PRKCH: variants seen among roughly 807,000 people sequenced by gnomAD.
The protein encoded by PRKCH is protein kinase C eta.
A neutral mutation model predicts 82.5 loss-of-function variants in PRKCH; 28 were observed. The ratio of observed to expected loss-of-function variants is 0.34; its 90% confidence interval spans 0.25 to 0.47. The LOEUF is 0.47. Among genes scored for constraint, PRKCH ranks in the 20% least tolerant of loss-of-function variants. The probability of loss-of-function intolerance (pLI) is 1.00; values close to 1 mark genes in which losing one functional copy is unlikely to be tolerated. For missense variants in PRKCH, 705 were observed against 881.8 expected, an observed-to-expected ratio of 0.80 and a Z score of 2.54; for synonymous variants, 322 against 327.4, an observed-to-expected ratio of 0.98 and a Z score of 0.18.
chr14:61,347,033 A>G (rs190842701), intron 1 of PRKCH, among the ~76,000 whole-genome samples: 3 of 152,254 alleles, frequency 2.0e-5, no homozygotes, highest in Admixed American at 6.5e-5. Context: ...TTGCTTTGTA[A>G]TCTGTTCACC....
chr14:61,398,135 C>G (rs1368331908), intron 2 of PRKCH, among the ~76,000 whole-genome samples: 1 of 152,182 alleles, frequency 6.6e-6, no homozygotes. Context: ...TCTAACTAAG[C>G]CTTCCTGAAG....
At chr14:61,393,822 C>T (rs1032690160) in intron 2 of PRKCH, among the ~76,000 whole-genome samples, 1 of 152,220 alleles carries the variant, frequency 6.6e-6, no homozygotes, top group Admixed American at 6.5e-5. Flanking sequence ...TCCTGCACAA[C>T]CTGGGGAATA....
At chr14:61,247,590 G>A (rs556324014) in intron 1 of PRKCH, among the ~76,000 whole-genome samples, 48 of 152,012 alleles carry the variant, frequency 3.2e-4, no homozygotes, top group Middle Eastern at 3.4e-3. Flanking sequence ...ACAAAATTTA[G>A]CCAGGTATAG....
intron 5 of PRKCH, among the ~76,000 whole-genome samples, chr14:61,449,938 C>A (rs1000309405): frequency 6.6e-6 from 1 of 150,744 alleles, no homozygotes; most frequent in Non-Finnish European, 1.5e-5. Context: ...GTATAAGCTT[C>A]AACATCATTC....
chr14:61,490,978 C>T (rs1430661584), intron 10 of PRKCH, among the ~76,000 whole-genome samples: 1 of 152,104 alleles, frequency 6.6e-6, no homozygotes, highest in Non-Finnish European at 1.5e-5. Context: ...TTTTACATGC[C>T]TGAGTTACTG....
At chr14:61,487,512 T>C (rs999383441) in intron 10 of PRKCH, among the ~76,000 whole-genome samples, 1 of 152,196 alleles carries the variant, frequency 6.6e-6, no homozygotes, top group African/African-American at 2.4e-5. Context: ...GTCCTCATGC[T>C]ATCAGACTCC....
At chr14:61,444,631 C>T (rs573868940) in intron 3 of PRKCH, among the ~76,000 whole-genome samples, 2 of 152,274 alleles carry the variant, frequency 1.3e-5, no homozygotes, top group South Asian at 4.1e-4. Context: ...CTCTCTCTCT[C>T]ACACACACTT....
Position 61,322,307 on chromosome 14 carries a change from A to G in PRKCH, c.206A>G (p.Asn69Ser), listed in dbSNP as rs1004060105. 1 of 1,613,038 alleles carries G rather than the reference A, an allele frequency of 6.2e-7. No individual in the cohort carries two copies. Among genetic ancestry groups the G allele is most frequent in the Non-Finnish European group, 8.5e-7 (1 of 1,179,782 alleles). ...TKQKTNKPTY[N>S]EEFCANVTDG... ...CAGAAGACCAACAAACCCACGTACA[A>G]CGAGGAGTTTTGCGCTAACGTCACC... Residue 69 changes from asparagine (N) to serine (S), a missense_variant, in exon 1 of 14, where the codon AAC (asparagine) becomes AGC (serine). Physicochemically the swap from Asn to Ser is conservative, Grantham distance 46. This residue lies in a region of PRKCH where 246 missense variants were observed against 308.0 expected (regional missense o/e 0.80). Transcript: ENST00000332981.
chr14:61,484,789 A>G (rs890999205), intron 9 of PRKCH, among the ~76,000 whole-genome samples: 6 of 116,464 alleles, frequency 5.2e-5, no homozygotes, highest in African/African-American at 2.4e-4. Flanking sequence ...TTTTTGGAAG[A>G]AGGAGTCTTA....
At chr14:61,441,727 ATTTTT>A (rs76602358) in intron 2 of PRKCH, among the ~76,000 whole-genome samples, 1 of 127,088 alleles carries the variant, frequency 7.9e-6, no homozygotes, top group African/African-American at 2.8e-5. Context: ...TCTGCTTTGT[ATTTTT>A]TTTTTTTTTT....
intron 10 of PRKCH, among the ~76,000 whole-genome samples, chr14:61,520,479 C>T (rs971745568): frequency 2.0e-5 from 3 of 152,080 alleles, no homozygotes; most frequent in South Asian, 2.1e-4. Flanking sequence ...TTCAACCAGG[C>T]GATAATATTT....
At chr14:61,232,083 C>T (rs944561015) in intron 1 of PRKCH, among the ~76,000 whole-genome samples, 20 of 152,230 alleles carry the variant, frequency 1.3e-4, no homozygotes, top group African/African-American at 4.6e-4. Flanking sequence ...CAATCACAAG[C>T]CACAGGTTGT....
rs574731732 is a variant in PRKCH at position 61,301,794 on chromosome 14, T to C, written c.-19+114126T>C. 2.8e-3 allele frequency among the ~76,000 whole-genome samples: 422 copies of C among 152,304 alleles called. 3 individuals are homozygous for C. Among genetic ancestry groups the C allele is most frequent in the African/African-American group, 9.9e-3 (411 of 41,562 alleles). On this transcript the variant is annotated intron_variant, in intron 1 of 3. Transcript: ENST00000555185. ...AGTTCAAGGCTGCAGTGAGCTGTGA[T>C]TGCACCATTGCATTCCAGCCTTGGT...
At chr14:61,282,329 C>T (rs1042985676) in intron 1 of PRKCH, among the ~76,000 whole-genome samples, 8 of 147,034 alleles carry the variant, frequency 5.4e-5, no homozygotes, top group African/African-American at 1.8e-4. Context: ...GGTATTGGGA[C>T]GTTCTGATTT....
intron 1 of PRKCH, among the ~76,000 whole-genome samples, chr14:61,266,645 G>A (rs2045104108): frequency 6.6e-6 from 1 of 152,162 alleles, no homozygotes; most frequent in Admixed American, 6.5e-5. Context: ...AGCAAAGACA[G>A]ATGGAAACTT....
At chr14:61,532,282 A>G in intron 12 of PRKCH, among the ~76,000 whole-genome samples, 1 of 152,260 alleles carries the variant, frequency 6.6e-6, no homozygotes, top group East Asian at 1.9e-4. Context: ...GCATTGGTGT[A>G]TAAAGGTCAC....
chr14:61,468,337 C>CTTT (rs779049434), intron 9 of PRKCH, among the ~76,000 whole-genome samples: 2 of 151,986 alleles, frequency 1.3e-5, no homozygotes, highest in Admixed American at 6.6e-5. Flanking sequence ...AGTGTTCCAT[C>CTTT]TTTTTTTTAG....
chr14:61,450,147 A>G (rs1338439173), intron 5 of PRKCH, among the ~76,000 whole-genome samples: 3 of 152,338 alleles, frequency 2.0e-5, no homozygotes, highest in East Asian at 1.9e-4. Flanking sequence ...AGCTTTTCCA[A>G]GAAAGAGGCC....
intron 10 of PRKCH, among the ~76,000 whole-genome samples, chr14:61,497,605 C>A (rs1886727317): frequency 6.6e-6 from 1 of 152,110 alleles, no homozygotes; most frequent in Admixed American, 6.5e-5. Flanking sequence ...TTCTGTCATC[C>A]TAGAAAGTTT....
Sources: gnomAD v4.1 joint callset for allele counts (sites outside exome capture counted in the v4.1 genomes callset) on GRCh38, gnomAD v4.1.1 for gene constraint, gnomAD v4.1.1 regional missense constraint, MANE v1.5 for transcripts, NCBI Gene and HGNC (gene_info 2026-07-23, HGNC 2026-07-21) for gene names.